The following THAP3 variants were observed in gnomAD, a reference collection of about 807,000 sequenced individuals.
The protein encoded by THAP3 is THAP domain-containing protein 3.
A neutral mutation model predicts 17.7 loss-of-function variants in THAP3; 12 were observed. That is an observed-to-expected ratio of 0.68 (90% CI 0.43 to 1.10). The LOEUF is 1.10. Ranked by LOEUF, THAP3 falls within the 50% of genes least tolerant of loss-of-function variation. THAP3 has a pLI of 0.00. For synonymous variants in THAP3, 133 were observed against 126.9 expected (o/e 1.05, Z -0.32); for missense variants, 289 against 318.0 (o/e 0.91, Z 0.69).
intron 2 of THAP3, among the ~76,000 whole-genome samples, chr1:6,625,662 C>T (rs1038941727): frequency 2.0e-5 from 3 of 151,884 alleles, no homozygotes; most frequent in African/African-American, 7.3e-5. Flanking sequence ...AGGAGTGGAA[C>T]CCCCAGGGGC....
rs1236920158 is a variant in THAP3 at position 6,625,241 on chromosome 1, G to A, written c.23G>A (p.Arg8Gln). 1.3e-6 allele frequency: 2 copies of A among 1,545,508 alleles called. No homozygotes were observed. ...GAGATGCCGAAGTCGTGCGCGGCCC[G>A]GCAGTGCTGCAACCGCTACAGCAGC... MPKSCAA[R>Q]QCCNRYSSRR... Residue 8 changes from arginine (R) to glutamine (Q), a missense_variant, in exon 2 of 6, where the codon CGG becomes CAG. Transcript: ENST00000054650.
At chr1:6,630,459 C>G (rs1024449419) in intron 4 of THAP3, 106 bp downstream of exon 4, 1 of 1,096,102 alleles carries the variant, frequency 9.1e-7, no homozygotes, top group Non-Finnish European at 1.4e-6. Flanking sequence ...GTCGCCTTTC[C>G]TCATATGCCA....
chr1:6,626,885 G>C (rs755877979), intron 2 of THAP3, among the ~76,000 whole-genome samples: 1 of 152,190 alleles, frequency 6.6e-6, no homozygotes, highest in Non-Finnish European at 1.5e-5. Context: ...GGCCAGTTTT[G>C]GTGGGACTTG....
intron 4 of THAP3, among the ~76,000 whole-genome samples, chr1:6,630,978 G>A (rs1387153418): frequency 1.3e-5 from 2 of 151,884 alleles, no homozygotes; most frequent in Non-Finnish European, 2.9e-5. Flanking sequence ...CAAAGTGCTG[G>A]GAGTATAGAT....
At chr1:6,625,037 C>T in intron 1 of THAP3, 83 bp downstream of exon 1, 2 of 626,288 alleles carry the variant, frequency 3.2e-6, no homozygotes, top group East Asian at 3.3e-5. Flanking sequence ...CGTGGCGCCC[C>T]GGGTCCCGTC....
chr1:6,627,689 CT>C (rs1218528740), intron 2 of THAP3: 1 of 152,322 alleles, frequency 6.6e-6, no homozygotes, highest in African/African-American at 2.4e-5. Context: ...TTCTGATCCC[CT>C]TAACCTGCCG....
rs1641686426 is a variant in THAP3, at chr1:6,633,474, A to G, written c.*397A>G. ...TGGCGGGTGAGTGGTCCCCTCCTCC[A>G]TCAGCCTGGACAGCCGCTCGGGGTT... On this transcript the variant is annotated 3_prime_UTR_variant, in exon 6 of 6. Transcript: ENST00000054650. The G allele has an allele frequency of 8.8e-7, 1 of 1,137,304 alleles. No individual in the cohort carries two copies. The highest frequency in any genetic ancestry group is 6.1e-5 in the East Asian group (1 of 16,394). 70.5% of individuals were successfully genotyped at this position (1,137,304 alleles called of 1,614,324 possible). A position where few individuals can be genotyped will look rare whatever the true frequency, so the allele number is the denominator to read the frequency against.
At position 6,625,215 on chromosome 1, in the gene THAP3, C is replaced by T. The variant is rs761035629; in HGVS notation, c.-4C>T. On this transcript the variant is annotated 5_prime_UTR_variant, in exon 2 of 6. Transcript: ENST00000054650. Reference sequence around the variant, plus strand: ...TTGTTGGGGGCAGCCAGGCCTGGCTCGAGATGCCGAAGTCGTGCGCGGCCC... The same window carrying T: ...TTGTTGGGGGCAGCCAGGCCTGGCTTGAGATGCCGAAGTCGTGCGCGGCCC... 21 of 1,540,916 alleles carry T rather than the reference C, an allele frequency of 1.4e-5. 1 individual carries two copies. Among genetic ancestry groups the T allele is most frequent in the South Asian group, 1.1e-4 (9 of 83,470 alleles).
chr1:6,632,468 C>T lies in THAP3; in HGVS notation c.411C>T (p.Pro137=), dbSNP rs1641644441. 1 of 1,614,144 alleles carries T rather than the reference C, an allele frequency of 6.2e-7. No individual in the cohort carries two copies. Among genetic ancestry groups the T allele is most frequent in the Non-Finnish European group, 8.5e-7 (1 of 1,180,026 alleles). Residue 137 remains proline (P), a synonymous_variant, in exon 5 of 6, where the codon CCC becomes CCT. Transcript: ENST00000054650. The stretch of plus-strand genomic sequence containing the variant: ...CTGCACTTGAAGAGCTTCAGTTGCC[C>T]CCAAATGCCGAAGGCCACGTAAAAC... ...MDTALEELQL[P]PNAEGHVKQV...
At chr1:6,631,270 G>A (rs1268701661) in intron 4 of THAP3, among the ~76,000 whole-genome samples, 2 of 151,100 alleles carry the variant, frequency 1.3e-5, no homozygotes, top group Non-Finnish European at 2.9e-5. Context: ...TCCTGCCTTG[G>A]CCCCACAAAG....
downstream of THAP3, chr1:6,633,729 T>C (rs1175276511): frequency 6.6e-6 from 2 of 302,992 alleles, no homozygotes; most frequent in African/African-American, 2.3e-5. Flanking sequence ...GCCAACATGG[T>C]GAAATCCCAT....
chr1:6,632,155 G>A (rs574642250), intron 4 of THAP3, among the ~76,000 whole-genome samples: 102 of 151,936 alleles, frequency 6.7e-4, no homozygotes, highest in Non-Finnish European at 4.9e-4. Context: ...GGTGGAGGTT[G>A]CAGTGAGCCG....
intron 4 of THAP3, among the ~76,000 whole-genome samples, 156 bp downstream of exon 4, chr1:6,630,509 T>G (rs1198374747): frequency 6.6e-6 from 1 of 152,238 alleles, no homozygotes; most frequent in Non-Finnish European, 1.5e-5. Flanking sequence ...GGCCCAAGCC[T>G]CTCAGCTTCC....
At chr1:6,627,198 CA>C (rs1641489264) in intron 2 of THAP3, among the ~76,000 whole-genome samples, 1 of 152,120 alleles carries the variant, frequency 6.6e-6, no homozygotes, top group South Asian at 2.1e-4. Context: ...GGCCATGGCC[CA>C]GGGGTGGCTT....
rs79906080 is a variant in THAP3, at chr1:6,629,569, A to C, written c.268-719A>C. 4.7e-3 allele frequency: 711 copies of C among 152,652 alleles called. 4 individuals carry two copies. Among genetic ancestry groups the C allele is most frequent in the African/African-American group, 0.016 (660 of 41,468 alleles). The allele number at this position is 152,652 out of a possible 1,614,324, so 9.5% of individuals were successfully genotyped here. A position where few individuals can be genotyped will look rare whatever the true frequency, so the allele number is the denominator to read the frequency against. On this transcript the variant is annotated intron_variant, in intron 3 of 5. Transcript: ENST00000054650. ...TGCCTCCGACCCCTTCCTGCCCCTCAGTCTTCCTGGCCCCTGTGGCCCCTG... is the reference window on the plus strand; with the variant it reads ...TGCCTCCGACCCCTTCCTGCCCCTCCGTCTTCCTGGCCCCTGTGGCCCCTG...
In THAP3 at chr1:6,625,148, A is replaced by C; in HGVS notation, c.-69-2A>C. The C allele has an allele frequency of 1.1e-4, 121 of 1,085,866 alleles. No individual in the cohort carries two copies. Among genetic ancestry groups the C allele is most frequent in the Non-Finnish European group, 1.4e-4 (109 of 761,172 alleles). 67.3% of individuals were successfully genotyped at this position (1,085,866 alleles called of 1,614,324 possible). On this transcript the variant is annotated splice_acceptor_variant, in intron 1 of 5. Coordinates refer to ENST00000054650, the MANE Select transcript of THAP3 (RefSeq NM_001195753.2). LOFTEE classifies it low-confidence loss of function (5UTR_SPLICE). ...TCCCAGCGGCCCCGCCCCTCCCCGCAGGTCCCTCCCCTCTCCGCAGGCCCC... is the reference window on the plus strand; with the variant it reads ...TCCCAGCGGCCCCGCCCCTCCCCGCCGGTCCCTCCCCTCTCCGCAGGCCCC...
chr1:6,634,222 A>G (rs2148723870), downstream of THAP3: 1 of 940,958 alleles, frequency 1.1e-6, no homozygotes, highest in Non-Finnish European at 1.6e-6. Context: ...GTCGACTGCA[A>G]ATGAAACGCA....
chr1:6,628,721 C>A lies in THAP3; in HGVS notation c.267+30C>A, dbSNP rs941609941. The A allele has an allele frequency of 3.1e-6, 5 of 1,588,922 alleles. No homozygotes were observed. In the Admixed American group the frequency reaches 5.3e-5, roughly 17 times the overall value. On this transcript the variant is annotated intron_variant, in intron 3 of 5. Transcript: ENST00000054650. The stretch of plus-strand genomic sequence containing the variant: ...GAGGGCACTGCACCTTCCGTCTGGT[C>A]ACATCCAGCCTGCGTTGTTTACCAG...
At position 6,628,482 on chromosome 1, in the gene THAP3, C is replaced by A; in HGVS notation, c.75-17C>A. 2 of 1,596,908 alleles carry A rather than the reference C, an allele frequency of 1.3e-6. No individual in the cohort carries two copies. The highest frequency in any genetic ancestry group is 1.1e-5 in the South Asian group (1 of 88,088). On this transcript the variant is annotated splice_polypyrimidine_tract_variant and intron_variant, in intron 2 of 5. Transcript: ENST00000054650. ...TCCAGCCTTGCTGGGCCTCACACCC[C>A]GTGCCTCTGCCCTTAGGTTTCCGTT...
Sources: gnomAD v4.1 joint callset for allele counts (sites outside exome capture counted in the v4.1 genomes callset) on GRCh38, gnomAD v4.1.1 for gene constraint, MANE v1.5 for transcripts, NCBI Gene and HGNC (gene_info 2026-07-23, HGNC 2026-07-21) for gene names.